Variants in ADTRP observed in about 807,000 individuals in gnomAD.
The protein encoded by ADTRP is androgen dependent TFPI regulating protein, also known as androgen-dependent TFPI-regulating protein.
Under a neutral mutation model 27.0 loss-of-function variants are expected in ADTRP, and 20 were observed. The observed-to-expected ratio is 0.74, with a 90% CI of 0.52 to 1.08. ADTRP has a LOEUF of 1.08. ADTRP is among the 50% of genes least tolerant of loss of function. The pLI is 0.00. For missense variants in ADTRP, 251 were observed against 275.0 expected (o/e 0.91, Z 0.62); for synonymous variants, 101 against 105.2 (o/e 0.96, Z 0.25).
chr6:11,766,765 G>T (rs371831319), intron 2 of ADTRP, among the ~76,000 whole-genome samples: 1 of 152,242 alleles, frequency 6.6e-6, no homozygotes, highest in Middle Eastern at 3.4e-3. Context: ...AGTCATACAC[G>T]TTCCTTGTCC....
At chr6:11,777,510 C>T (rs957717355) in intron 1 of ADTRP, among the ~76,000 whole-genome samples, 2 of 151,756 alleles carry the variant, frequency 1.3e-5, no homozygotes, top group African/African-American at 4.8e-5. Flanking sequence ...TTTACTGTGG[C>T]ACTGCTAGTT....
intron 3 of ADTRP, among the ~76,000 whole-genome samples, chr6:11,746,926 G>A (rs976003710): frequency 9.9e-5 from 15 of 152,204 alleles, no homozygotes; most frequent in Admixed American, 2.6e-4. Context: ...AACACTGAGG[G>A]AAGGTCAGCA....
Position 11,770,606 on chromosome 6 carries a change from G to C in ADTRP, c.154-2223C>G, listed in dbSNP as rs149830629. On this transcript the variant is annotated intron_variant, in intron 1 of 5. Transcript: ENST00000414691. ...TGGGCCCTGGGGTGGAGGAGCTTTC[G>C]AACCAGAAAGGGGTGTCCCAGGGAG... Among the ~76,000 whole-genome samples, 84 of 152,180 alleles carry C rather than the reference G, an allele frequency of 5.5e-4. 1 individual carries two copies. In the East Asian group the frequency reaches 0.015, roughly 27 times the overall value.
chr6:11,719,079 TCAC>T (rs1393342222), intron 5 of ADTRP, among the ~76,000 whole-genome samples: 1 of 152,158 alleles, frequency 6.6e-6, no homozygotes, highest in Non-Finnish European at 1.5e-5. Context: ...ATTGTGACCA[TCAC>T]CACCAACACC....
chr6:11,761,592 T>C (rs979513795), intron 3 of ADTRP, among the ~76,000 whole-genome samples: 1 of 152,192 alleles, frequency 6.6e-6, no homozygotes, highest in Non-Finnish European at 1.5e-5. Context: ...AAGGACACAA[T>C]AGCCCAAAGC....
chr6:11,726,313 C>A (rs185954286), intron 4 of ADTRP, among the ~76,000 whole-genome samples: 79 of 152,228 alleles, frequency 5.2e-4, no homozygotes, highest in African/African-American at 1.9e-3. Flanking sequence ...AAATTTGGTC[C>A]TGCGTGTGTT....
chr6:11,741,390 G>T lies in ADTRP; in HGVS notation c.391-5707C>A, dbSNP rs75092958. Among the ~76,000 whole-genome samples, 726 of 152,302 alleles carry T rather than the reference G, an allele frequency of 4.8e-3. 11 individuals carry two copies. Among genetic ancestry groups the T allele is most frequent in the East Asian group, 0.017 (88 of 5,182 alleles). ...CAACCTTGCTTTATGTTTGAAATTT[G>T]TCATAATAAGACATTGGGGGAAACA... On this transcript the variant is annotated intron_variant, in intron 3 of 5. Coordinates refer to ENST00000414691, the MANE Select transcript of ADTRP (RefSeq NM_032744.4).
At chr6:11,777,985 C>A (rs1321571715) in intron 1 of ADTRP, among the ~76,000 whole-genome samples, 5 of 152,154 alleles carry the variant, frequency 3.3e-5, no homozygotes, top group African/African-American at 4.8e-5. Flanking sequence ...AGAATGCAGT[C>A]AGCCAGGTTA....
chr6:11,744,881 G>A (rs926897114), intron 3 of ADTRP, among the ~76,000 whole-genome samples: 4 of 152,152 alleles, frequency 2.6e-5, no homozygotes, highest in South Asian at 2.1e-4. Context: ...ATCTCATCAC[G>A]ATGTCAAGTA....
chr6:11,773,992 A>G (rs968331608), intron 1 of ADTRP, among the ~76,000 whole-genome samples: 25 of 152,132 alleles, frequency 1.6e-4, no homozygotes, highest in African/African-American at 6.0e-4. Context: ...AGTTAAGTGT[A>G]TTTCTGACTC....
chr6:11,717,469 A>G, intron 5 of ADTRP: 1 of 1,285,508 alleles, frequency 7.8e-7, no homozygotes, highest in Non-Finnish European at 1.0e-6. Flanking sequence ...TAGATACCAT[A>G]TATAATTATA....
chr6:11,723,513 A>T lies in ADTRP; in HGVS notation c.507-13T>A. The stretch of plus-strand genomic sequence containing the variant: ...GAGCCATAGGATGCTGCAGGAAATA[A>T]GAAGTCGTGGTGGTTATAGCAGGAG... On this transcript the variant is annotated splice_polypyrimidine_tract_variant and intron_variant, in intron 4 of 5. Coordinates refer to ENST00000414691, the MANE Select transcript of ADTRP (RefSeq NM_032744.4). 6.2e-7 allele frequency: 1 copy of T among 1,613,490 alleles called. No homozygotes were observed. The highest frequency in any genetic ancestry group is 2.2e-5 in the East Asian group (1 of 44,872).
At chr6:11,769,429 A>T (rs1763690901) in intron 1 of ADTRP, among the ~76,000 whole-genome samples, 1 of 152,318 alleles carries the variant, frequency 6.6e-6, no homozygotes, top group South Asian at 2.1e-4. Context: ...CTGAGGGCGT[A>T]GGCAGGAAAT....
At chr6:11,723,064 C>T (rs2113875308) in intron 5 of ADTRP, among the ~76,000 whole-genome samples, 1 of 152,280 alleles carries the variant, frequency 6.6e-6, no homozygotes, top group Non-Finnish European at 1.5e-5. Context: ...TCTCTAGGTC[C>T]TGGGCTTTCT....
intron 3 of ADTRP, among the ~76,000 whole-genome samples, chr6:11,753,662 T>C (rs556576205): frequency 4.3e-4 from 65 of 152,326 alleles, no homozygotes; most frequent in Non-Finnish European, 8.4e-4. Context: ...CCTGTGCCAA[T>C]TGGAGACAAA....
chr6:11,724,849 T>C (rs757962269), intron 4 of ADTRP, among the ~76,000 whole-genome samples: 7 of 152,220 alleles, frequency 4.6e-5, no homozygotes, highest in African/African-American at 9.6e-5. Context: ...GCTTGGCACA[T>C]TGTAATATTT....
chr6:11,723,202 C>T (rs530353477), intron 5 of ADTRP, 147 bp downstream of exon 5: 1 of 1,160,960 alleles, frequency 8.6e-7, no homozygotes, highest in Non-Finnish European at 1.2e-6. Context: ...GGCAGGACCT[C>T]TTGGCAGGAC....
At chr6:11,715,648 CTTTTTTTTT>C (rs55815652) in intron 5 of ADTRP, among the ~76,000 whole-genome samples, 13 of 121,140 alleles carry the variant, frequency 1.1e-4, no homozygotes, top group Admixed American at 1.7e-4. Context: ...CTGTTTTTCC[CTTTTTTTTT>C]TTTTTTTTTT....
At chr6:11,740,975 G>A (rs938121206) in intron 3 of ADTRP, among the ~76,000 whole-genome samples, 1 of 152,160 alleles carries the variant, frequency 6.6e-6, no homozygotes, top group Non-Finnish European at 1.5e-5. Flanking sequence ...AAAGACTGAA[G>A]TTTTTAAAGA....
Sources: gnomAD v4.1 joint callset for allele counts (sites outside exome capture counted in the v4.1 genomes callset) on GRCh38, gnomAD v4.1.1 for gene constraint, MANE v1.5 for transcripts, NCBI Gene and HGNC (gene_info 2026-07-23, HGNC 2026-07-21) for gene names.